Variants in SLC6A9 observed in about 807,000 individuals in gnomAD.
SLC6A9 encodes the protein sodium- and chloride-dependent glycine transporter 1.
A neutral mutation model predicts 70.9 loss-of-function variants in SLC6A9; 31 were observed. That is an observed-to-expected ratio of 0.44 (90% CI 0.33 to 0.59). The LOEUF (loss-of-function observed/expected upper bound fraction) is 0.59, where lower values mean the gene tolerates loss of function less well. SLC6A9 is among the 20% of genes least tolerant of loss of function. SLC6A9 has a pLI of 0.04. For missense variants in SLC6A9, 631 were observed against 845.2 expected, an observed-to-expected ratio of 0.75 and a Z score of 3.14; for synonymous variants, 310 against 341.3, an observed-to-expected ratio of 0.91 and a Z score of 1.01.
chr1:44,003,047 G>A, intron 5 of SLC6A9, 62 bp from the exon 6 acceptor site: 1 of 1,594,966 alleles, frequency 6.3e-7, no homozygotes, highest in Non-Finnish European at 8.6e-7. Flanking sequence ...AAATTCCCAA[G>A]GCCCAGGGCC....
At chr1:44,022,151 G>A (rs541009746) in intron 2 of SLC6A9, among the ~76,000 whole-genome samples, 32 of 152,328 alleles carry the variant, frequency 2.1e-4, no homozygotes, top group South Asian at 1.9e-3. Context: ...CGGGCCGACC[G>A]GCAGAGCACA....
chr1:44,029,984 C>A (rs1448460945), intron 1 of SLC6A9, among the ~76,000 whole-genome samples: 3 of 152,194 alleles, frequency 2.0e-5, no homozygotes, highest in Non-Finnish European at 4.4e-5. Context: ...CTCCTTTCAG[C>A]GGAGAAATAG....
At chr1:44,003,961 C>T (rs919789741) in intron 5 of SLC6A9, among the ~76,000 whole-genome samples, 34 of 151,972 alleles carry the variant, frequency 2.2e-4, no homozygotes, top group African/African-American at 6.8e-4. Flanking sequence ...ACCTCCAGCA[C>T]CAGCATTCAA....
At chr1:44,010,193 G>T in intron 3 of SLC6A9, 97 bp from the exon 4 acceptor site, 1 of 1,378,120 alleles carries the variant, frequency 7.3e-7, no homozygotes. Flanking sequence ...TTCGCGATTG[G>T]GTAGGACCCA....
At chr1:44,027,841 G>C (rs939366821) in intron 1 of SLC6A9, among the ~76,000 whole-genome samples, 1 of 152,182 alleles carries the variant, frequency 6.6e-6, no homozygotes, top group African/African-American at 2.4e-5. Context: ...TGGGCGTGGT[G>C]GTAGGCGCCT....
intron 3 of SLC6A9, 136 bp from the exon 4 acceptor site, chr1:44,010,232 G>T: frequency 1.1e-6 from 1 of 883,600 alleles, no homozygotes; most frequent in Non-Finnish European, 1.7e-6. Context: ...TTGAGCAGGA[G>T]CCTGGGCTGA....
intron 5 of SLC6A9, among the ~76,000 whole-genome samples, chr1:44,004,862 T>C (rs1167643437): frequency 6.6e-6 from 1 of 152,330 alleles, no homozygotes; most frequent in Non-Finnish European, 1.5e-5. Flanking sequence ...TCTTGACACA[T>C]GACATCTCCA....
Position 44,011,546 on chromosome 1 carries a change from C to T in SLC6A9, c.31-664G>A, listed in dbSNP as rs775371601. Reference sequence around the variant, plus strand: ...TACACTGCCCATGGCTGGGGAGGGGCCCTGGGGAGCTGACCTGGGCCATGG... The same window carrying T: ...TACACTGCCCATGGCTGGGGAGGGGTCCTGGGGAGCTGACCTGGGCCATGG... On this transcript the variant is annotated intron_variant, in intron 2 of 13. Coordinates refer to ENST00000372310, the MANE Select transcript of SLC6A9 (RefSeq NM_001024845.3). 2.3e-5 allele frequency: 37 copies of T among 1,612,158 alleles called. No homozygotes were observed. The East Asian group carries it at 8.0e-4, about 35-fold the overall frequency.
rs1553160173 is a variant in SLC6A9 at position 43,998,983 on chromosome 1, G to GGA, written c.1537-959_1537-958insTC. ...CCACCCAGAGGGCCTGGCGGGGGAA[G>GGA]GGGGGGGGCAGTCCCAGCACCCTCC... On this transcript the variant is annotated intron_variant, in intron 12 of 13. Transcript: ENST00000372310. 3.9e-3 allele frequency among the ~76,000 whole-genome samples: 36 copies of GGA among 9,168 alleles called. 2 individuals are homozygous for GGA. The highest frequency in any genetic ancestry group is 7.1e-3 in the South Asian group (2 of 282). The allele number at this position is 9,168 out of a possible 152,430, so 6.0% of individuals were successfully genotyped here. A position where few individuals can be genotyped will look rare whatever the true frequency, so the allele number is the denominator to read the frequency against.
rs200382619 is a variant in SLC6A9 at position 44,001,621 on chromosome 1, A to T, written c.969T>A (p.Ser323Arg). ...NKFHNNCYRD[S>R]VIISITNCAT... ...CACAGTTGGTGATGCTGATGATGAC[A>T]CTGTCCCTGATGGGGAGGAAAACAG... Residue 323 changes from serine (S) to arginine (R), a missense_variant, in exon 9 of 14, where the codon AGT (serine) becomes AGA (arginine). Physicochemically the swap from Ser to Arg is moderately radical, Grantham distance 110. Coordinates refer to ENST00000372310, the MANE Select transcript of SLC6A9 (RefSeq NM_001024845.3). The T allele has an allele frequency of 1.8e-5, 29 of 1,611,544 alleles. No individual in the cohort carries two copies. The highest frequency in any genetic ancestry group is 2.4e-5 in the Non-Finnish European group (28 of 1,178,262).
chr1:44,014,982 C>T (rs1027308176), intron 2 of SLC6A9: 1 of 152,204 alleles, frequency 6.6e-6, no homozygotes. Flanking sequence ...TCTGTAGCTA[C>T]TCATATTCCA....
intron 2 of SLC6A9, chr1:44,011,432 G>A: frequency 1.3e-6 from 1 of 790,516 alleles, no homozygotes; most frequent in Non-Finnish European, 2.1e-6. Context: ...GAGTGGGCAG[G>A]GCTGGGGGGA....
At chr1:44,001,720 C>T in intron 8 of SLC6A9, 93 bp from the exon 9 acceptor site, 1 of 906,322 alleles carries the variant, frequency 1.1e-6, no homozygotes, top group Non-Finnish European at 1.7e-6. Context: ...TACAAAGGCA[C>T]CCCCAACTCT....
rs201076177 is a variant in SLC6A9, at chr1:44,002,979, G to A, written c.597C>T (p.Tyr199=). The part of the protein sequence containing the change: ...TSPSEEYWRL[Y]VLKLSDDIGN... ...CAATGTCATCTGACAGCTTCAGCAC[G>A]TACAGCCTGGGAAGGGGAGACTCTG... Residue 199 remains tyrosine (Y), a synonymous_variant, in exon 6 of 14, where the codon TAC becomes TAT. Transcript: ENST00000372310. This position sits in a 1 kb window ranked among gnomAD's most constrained non-coding sequence, Gnocchi z 5.5. 3.1e-6 allele frequency: 5 copies of A among 1,613,932 alleles called. No homozygotes were observed. The highest frequency in any genetic ancestry group is 2.7e-5 in the African/African-American group (2 of 74,918).
chr1:43,997,970 T>C lies in SLC6A9; in HGVS notation c.1592A>G (p.Gln531Arg), dbSNP rs760877676. The stretch of plus-strand genomic sequence containing the variant: ...AATGGCCACGGCCCAGCCTGGGTAC[T>C]GGTAGTGGTTGTAGGTGATCGGCTG... ...QYQPITYNHY[Q>R]YPGWAVAIGF... The change falls in exon 13 of 14, where the codon CAG becomes CGG. Residue 531 changes from glutamine (Q) to arginine (R), a missense_variant. Coordinates refer to ENST00000372310, the MANE Select transcript of SLC6A9 (RefSeq NM_001024845.3). The surrounding 1 kb of genome is among the most constrained non-coding windows in gnomAD (Gnocchi z 4.4). The C allele has an allele frequency of 4.3e-6, 7 of 1,614,062 alleles. No homozygotes were observed. Among genetic ancestry groups the C allele is most frequent in the African/African-American group, 1.3e-5 (1 of 75,026 alleles).
At chr1:44,005,912 G>A (rs1225065561) in intron 5 of SLC6A9, among the ~76,000 whole-genome samples, 1 of 152,220 alleles carries the variant, frequency 6.6e-6, no homozygotes, top group Non-Finnish European at 1.5e-5. Context: ...TCCAGCCCGC[G>A]CTGGGGAGTA....
chr1:44,017,171 C>A (rs760804177), intron 2 of SLC6A9: 1 of 1,600,960 alleles, frequency 6.2e-7, no homozygotes, highest in East Asian at 2.3e-5. Flanking sequence ...ACTGACGCAT[C>A]CCCTGCCTCT....
At chr1:44,001,097 G>A (rs2086082689) in intron 10 of SLC6A9, 42 bp from the exon 11 acceptor site, 1 of 1,607,548 alleles carries the variant, frequency 6.2e-7, no homozygotes, top group Non-Finnish European at 8.5e-7. Context: ...CTGCAGCCCG[G>A]GCTCCCCAAC....
At chr1:44,007,058 C>T (rs1203568463) in intron 5 of SLC6A9, among the ~76,000 whole-genome samples, 1 of 152,222 alleles carries the variant, frequency 6.6e-6, no homozygotes, top group Non-Finnish European at 1.5e-5. Context: ...GTCCCACCTG[C>T]TCCCAACCCC....
Sources: gnomAD v4.1 joint callset for allele counts (sites outside exome capture counted in the v4.1 genomes callset) on GRCh38, gnomAD v4.1.1 for gene constraint, Gnocchi (gnomAD v3.1) non-coding constraint, MANE v1.5 for transcripts, NCBI Gene and HGNC (gene_info 2026-07-23, HGNC 2026-07-21) for gene names.